The following CNOT7 variants were observed in gnomAD, a reference collection of about 807,000 sequenced individuals.
CNOT7 encodes the protein BTG1-binding factor 1.
A neutral mutation model predicts 37.1 loss-of-function variants in CNOT7; 4 were observed. The ratio of observed to expected loss-of-function variants is 0.11; its 90% CI spans 0.05 to 0.25. CNOT7 has a LOEUF of 0.25. Ranked by LOEUF, CNOT7 falls within the 10% of genes least tolerant of loss-of-function variation. CNOT7 has a pLI of 1.00. For synonymous variants in CNOT7, 128 were observed against 115.6 expected (o/e 1.11, Z -0.69); for missense variants, 170 against 336.2 (o/e 0.51, Z 3.87).
At chr8:17,243,638 T>C (rs773781433) in intron 2 of CNOT7, 7 of 456,606 alleles carry the variant, frequency 1.5e-5, no homozygotes, top group Non-Finnish European at 2.6e-5. Context: ...AAAAACATCA[T>C]TAGCTTCCTA....
At chr8:17,244,715 A>T (rs1810656327) in intron 2 of CNOT7, 2 of 220,538 alleles carry the variant, frequency 9.1e-6, no homozygotes, top group Non-Finnish European at 8.9e-6. Flanking sequence ...AACACATCCA[A>T]TCCACAGTAA....
chr8:17,225,818 G>C lies in CNOT7; in HGVS notation c.*4902C>G, dbSNP rs926342201. 6.6e-6 allele frequency: 1 copy of C among 151,508 alleles called. No individual in the cohort carries two copies. Among genetic ancestry groups the C allele is most frequent in the African/African-American group, 2.4e-5 (1 of 41,332 alleles). 9.4% of individuals were successfully genotyped at this position (151,508 alleles called of 1,614,324 possible). On this transcript the variant is annotated 3_prime_UTR_variant, in exon 7 of 7. Coordinates refer to ENST00000361272, the MANE Select transcript of CNOT7 (RefSeq NM_013354.7). The stretch of plus-strand genomic sequence containing the variant: ...GAACTGGCCTTCACTACAAAGCACC[G>C]ACACACAGAATAATCAGCATTTTTC...
chr8:17,234,975 A>G (rs1367097001), intron 4 of CNOT7, 115 bp from the exon 5 acceptor site: 27 of 812,634 alleles, frequency 3.3e-5, no homozygotes, highest in Middle Eastern at 3.7e-4. Flanking sequence ...TCCCAAAAAC[A>G]TTAAAGAGAA....
At position 17,226,539 on chromosome 8, in the gene CNOT7, A is replaced by G. The variant is rs539270128; in HGVS notation, c.*4181T>C. 11 of 151,774 alleles carry G rather than the reference A, an allele frequency of 7.2e-5. No individual in the cohort carries two copies. In the South Asian group the frequency reaches 2.3e-3, roughly 31 times the overall value. The allele number at this position is 151,774 out of a possible 1,614,324, so 9.4% of individuals were successfully genotyped here. On this transcript the variant is annotated 3_prime_UTR_variant, in exon 7 of 7. Coordinates refer to ENST00000361272, the MANE Select transcript of CNOT7 (RefSeq NM_013354.7). ...ATTCATTCAAGATGATTCATTTCCA[A>G]CAGAAGATTAAGAGGAAACTTTAAA...
At chr8:17,238,973 TAACA>T (rs971777533) in intron 3 of CNOT7, among the ~76,000 whole-genome samples, 1 of 152,246 alleles carries the variant, frequency 6.6e-6, no homozygotes, top group Non-Finnish European at 1.5e-5. Context: ...ATCTTTATCC[TAACA>T]TACAACTCCT....
At chr8:17,241,394 A>G (rs559068101) in intron 3 of CNOT7, 4 of 152,154 alleles carry the variant, frequency 2.6e-5, no homozygotes, top group South Asian at 2.1e-4. Flanking sequence ...ATTAAACCCA[A>G]AAGAGTGAAA....
At chr8:17,230,979 T>G in intron 6 of CNOT7, 131 bp from the exon 7 acceptor site, 1 of 617,922 alleles carries the variant, frequency 1.6e-6, no homozygotes, top group South Asian at 2.6e-5. Context: ...TGGTGTTCCT[T>G]TGAGGCTACG....
In CNOT7 at chr8:17,237,717, T is replaced by A. The variant is rs564594518; in HGVS notation, c.312-344A>T. 3.4e-3 allele frequency: 667 copies of A among 196,996 alleles called. 7 individuals are homozygous for A. The highest frequency in any genetic ancestry group is 0.014 in the African/African-American group (597 of 43,152). The allele number at this position is 196,996 out of a possible 1,614,324, so 12.2% of individuals were successfully genotyped here. Reference sequence around the variant, plus strand: ...CTACCGTCGCAAAGTGACAGACAAGTTTTTTCAGAGACTCTCAGTCTCAGC... The same window carrying A: ...CTACCGTCGCAAAGTGACAGACAAGATTTTTCAGAGACTCTCAGTCTCAGC... On this transcript the variant is annotated intron_variant, in intron 3 of 6. Transcript: ENST00000361272.
Position 17,240,960 on chromosome 8 carries a change from T to G in CNOT7, c.311+2032A>C, listed in dbSNP as rs572471721. 6.6e-4 allele frequency among the ~76,000 whole-genome samples: 100 copies of G among 152,284 alleles called. No homozygotes were observed. In the South Asian group the frequency reaches 0.02, roughly 30 times the overall value. On this transcript the variant is annotated intron_variant, in intron 3 of 6. Coordinates refer to ENST00000361272, the MANE Select transcript of CNOT7 (RefSeq NM_013354.7). ...AAACAACAACAAAAAAATCTCATAA[T>G]GTTTTAAGAAAGTTTACGAATTTCT...
At chr8:17,242,371 TTAA>T (rs1308482387) in intron 3 of CNOT7, 6 of 152,324 alleles carry the variant, frequency 3.9e-5, no homozygotes, top group African/African-American at 1.4e-4. Context: ...ACTACTTCTA[TTAA>T]TAATACAGAA....
chr8:17,234,587 A>G (rs2150978335), intron 5 of CNOT7, 129 bp downstream of exon 5: 2 of 953,526 alleles, frequency 2.1e-6, no homozygotes, highest in Non-Finnish European at 3.3e-6. Context: ...TCACATGACC[A>G]GATAATATAA....
chr8:17,242,947 G>T (rs199607952), intron 3 of CNOT7, 45 bp downstream of exon 3: 7 of 1,131,630 alleles, frequency 6.2e-6, no homozygotes, highest in Non-Finnish European at 8.4e-6. Context: ...TAAGATTAAA[G>T]AAAAAAAAAA....
chr8:17,225,394 T>C lies in CNOT7; in HGVS notation c.*5326A>G, dbSNP rs1400957088. ...TCCTCCATACCAGGAAGGAGAGTAT[T>C]GACCAGTTTATCTTTAAAAAGAAAA... is the stretch of plus-strand genomic sequence containing the variant. On this transcript the variant is annotated 3_prime_UTR_variant, in exon 7 of 7. Coordinates refer to ENST00000361272, the MANE Select transcript of CNOT7 (RefSeq NM_013354.7). The C allele has an allele frequency of 6.6e-6, 1 of 151,766 alleles. No homozygotes were observed. The highest frequency in any genetic ancestry group is 1.5e-5 in the Non-Finnish European group (1 of 67,712). The allele number at this position is 151,766 out of a possible 1,614,324, so 9.4% of individuals were successfully genotyped here.
Position 17,242,438 on chromosome 8 carries a change from A to T in CNOT7, c.311+554T>A, listed in dbSNP as rs940954192. ...ACCCAGGGCTTGAGTTAGAATGAAG[A>T]TTCTGACATATGATAAACACCAGGT... On this transcript the variant is annotated intron_variant, in intron 3 of 6. Transcript: ENST00000361272. The T allele has an allele frequency of 5.3e-5, 8 of 152,346 alleles. No individual in the cohort carries two copies. In the South Asian group the frequency reaches 1.7e-3, roughly 32 times the overall value. 9.4% of individuals were successfully genotyped at this position (152,346 alleles called of 1,614,324 possible).
intron 5 of CNOT7, 189 bp downstream of exon 5, chr8:17,234,527 G>C: frequency 1.7e-6 from 1 of 590,790 alleles, no homozygotes; most frequent in Non-Finnish European, 3.0e-6. Context: ...AAGACATACT[G>C]AAGCTCTGAA....
Position 17,246,759 on chromosome 8 carries a change from C to T in CNOT7, c.-180G>A. 1 of 184,842 alleles carries T rather than the reference C, an allele frequency of 5.4e-6. No homozygotes were observed. The highest frequency in any genetic ancestry group is 1.1e-5 in the Non-Finnish European group (1 of 88,928). 11.5% of individuals were successfully genotyped at this position (184,842 alleles called of 1,614,324 possible). On this transcript the variant is annotated 5_prime_UTR_variant, in exon 1 of 7. Transcript: ENST00000361272. ...GCGGTGGCGGTGGCGGTGGCGGTAG[C>T]GGCGGCGGCAGCGGGTGCCCCATAG...
Position 17,245,257 on chromosome 8 carries a change from T to TA in CNOT7, c.-95-11dup, listed in dbSNP as rs1810759344. 4 of 1,210,988 alleles carry TA rather than the reference T, an allele frequency of 3.3e-6. No individual in the cohort carries two copies. Among genetic ancestry groups the TA allele is most frequent in the African/African-American group, 1.6e-5 (1 of 63,702 alleles). The allele number at this position is 1,210,988 out of a possible 1,614,324, so 75.0% of individuals were successfully genotyped here. ...TCCTTTATTTATGTACCTGTCAAAA[T>TA]AAAAAAACAATATGAAGACCAGATA... On this transcript the variant is annotated splice_polypyrimidine_tract_variant and intron_variant, in intron 1 of 6. Transcript: ENST00000361272.
chr8:17,237,383 G>C lies in CNOT7; in HGVS notation c.312-10C>G, dbSNP rs201105542. Reference sequence around the variant, plus strand: ...GGCATACATGTCCTCCCTGGCAGAAGAAAGAGAAAGACAACATTCAAACAT... The same window carrying C: ...GGCATACATGTCCTCCCTGGCAGAACAAAGAGAAAGACAACATTCAAACAT... On this transcript the variant is annotated splice_polypyrimidine_tract_variant and intron_variant, in intron 3 of 6. Transcript: ENST00000361272. 2.5e-6 allele frequency: 4 copies of C among 1,612,538 alleles called. No homozygotes were observed. Among genetic ancestry groups the C allele is most frequent in the Non-Finnish European group, 3.4e-6 (4 of 1,179,144 alleles).
rs1183737655 is a variant in CNOT7, at chr8:17,228,665, A to AAAGT, written c.*2051_*2054dup. On this transcript the variant is annotated 3_prime_UTR_variant, in exon 7 of 7. Coordinates refer to ENST00000361272, the MANE Select transcript of CNOT7 (RefSeq NM_013354.7). The stretch of plus-strand genomic sequence containing the variant: ...GTAAAGTTGAAAAATCATTAAGTCG[A>AAAGT]AAGTAAGTTAGGGATTATCTATACT... 2.0e-5 allele frequency: 3 copies of AAAGT among 151,932 alleles called. No individual in the cohort carries two copies. The highest frequency in any genetic ancestry group is 2.0e-4 in the Admixed American group (3 of 15,236). 9.4% of individuals were successfully genotyped at this position (151,932 alleles called of 1,614,324 possible).
Sources: allele counts gnomAD v4.1 joint callset (sites outside exome capture counted in the v4.1 genomes callset), GRCh38; gene constraint gnomAD v4.1.1; transcripts MANE v1.5; gene names NCBI Gene and HGNC (gene_info 2026-07-23, HGNC 2026-07-21).